Variants in CACNA2D3 observed in about 807,000 individuals in gnomAD.
CACNA2D3 encodes calcium voltage-gated channel auxiliary subunit alpha2delta 3.
In CACNA2D3, 60 loss-of-function variants were observed where a neutral mutation model predicts 160.6. The ratio of observed to expected loss-of-function variants is 0.37; its 90% CI spans 0.30 to 0.46. CACNA2D3 has a LOEUF of 0.46. Among genes scored for constraint, CACNA2D3 ranks in the 20% least tolerant of loss-of-function variants. The pLI is 1.00. For synonymous variants in CACNA2D3, 558 were observed against 492.9 expected (o/e 1.13, Z -1.75); for missense variants, 1,205 against 1,365.0 (o/e 0.88, Z 1.85).
At chr3:54,736,070 T>TACAC (rs1422809747) in intron 11 of CACNA2D3, among the ~76,000 whole-genome samples, 5 of 32,022 alleles carry the variant, frequency 1.6e-4, no homozygotes, top group South Asian at 9.7e-4. Context: ...TGTATATATA[T>TACAC]ATACATATAT....
chr3:54,489,184 C>G (rs1347486481), intron 4 of CACNA2D3, among the ~76,000 whole-genome samples: 1 of 152,020 alleles, frequency 6.6e-6, no homozygotes, highest in African/African-American at 2.4e-5. Context: ...GTCCTAAGAG[C>G]AGGAAAAAGT....
At chr3:54,141,673 G>A (rs931541605) in intron 2 of CACNA2D3, among the ~76,000 whole-genome samples, 14 of 152,120 alleles carry the variant, frequency 9.2e-5, no homozygotes, top group Non-Finnish European at 2.9e-5. Flanking sequence ...TTTAATCCAG[G>A]ATGTCAAAAT....
chr3:54,707,987 A>G (rs1242405410), intron 11 of CACNA2D3, among the ~76,000 whole-genome samples: 2 of 152,222 alleles, frequency 1.3e-5, no homozygotes, highest in African/African-American at 4.8e-5. Flanking sequence ...GTCCACCTGT[A>G]TCCACAGAGA....
In CACNA2D3 at chr3:54,232,761, A is replaced by G. The variant is rs191386534; in HGVS notation, c.205-87681A>G. On this transcript the variant is annotated intron_variant, in intron 2 of 37. Coordinates refer to ENST00000474759, the MANE Select transcript of CACNA2D3 (RefSeq NM_018398.3). The stretch of plus-strand genomic sequence containing the variant: ...TGAACATTTTGATTTATGGTGGCAC[A>G]GGAGGCTATAACAAAGTTACAGACT... 6.2e-3 allele frequency among the ~76,000 whole-genome samples: 943 copies of G among 152,334 alleles called. 3 individuals carry two copies. Among genetic ancestry groups the G allele is most frequent in the Middle Eastern group, 0.02 (6 of 294 alleles).
At chr3:54,370,063 A>C (rs1698897960) in intron 3 of CACNA2D3, among the ~76,000 whole-genome samples, 1 of 152,222 alleles carries the variant, frequency 6.6e-6, no homozygotes, top group Non-Finnish European at 1.5e-5. Flanking sequence ...CAATGGGAAA[A>C]TCATTTTTGG....
At chr3:54,372,381 C>A (rs1054461030) in intron 3 of CACNA2D3, among the ~76,000 whole-genome samples, 1 of 152,158 alleles carries the variant, frequency 6.6e-6, no homozygotes, top group African/African-American at 2.4e-5. Context: ...AGACTCCACT[C>A]TGGTCATGTC....
chr3:54,958,307 T>C (rs1181210783), intron 27 of CACNA2D3, among the ~76,000 whole-genome samples: 2 of 152,210 alleles, frequency 1.3e-5, no homozygotes, highest in Admixed American at 6.5e-5. Flanking sequence ...GCAGGAGGAC[T>C]GCCTGAGCCC....
chr3:54,140,626 C>T (rs948666352), intron 2 of CACNA2D3, among the ~76,000 whole-genome samples: 7 of 152,232 alleles, frequency 4.6e-5, no homozygotes, highest in Non-Finnish European at 8.8e-5. Context: ...TCAGACAGCC[C>T]TGGGTTCACA....
chr3:54,489,214 G>C (rs1701067698), intron 4 of CACNA2D3, among the ~76,000 whole-genome samples: 1 of 152,156 alleles, frequency 6.6e-6, no homozygotes, highest in African/African-American at 2.4e-5. Flanking sequence ...ATTGCATGCT[G>C]GGAGATGGCC....
intron 22 of CACNA2D3, 35 bp from the exon 23 acceptor site, chr3:54,885,454 A>G (rs1699900977): frequency 6.2e-7 from 1 of 1,601,242 alleles, no homozygotes. Flanking sequence ...GTAAATATTG[A>G]CATGCTCTTG....
intron 2 of CACNA2D3, among the ~76,000 whole-genome samples, chr3:54,240,183 G>GA (rs1179596304): frequency 6.6e-6 from 1 of 152,098 alleles, no homozygotes; most frequent in African/African-American, 2.4e-5. Context: ...CAGGAGAAAA[G>GA]AATTCATTGG....
At chr3:54,505,525 C>G (rs1701355404) in intron 5 of CACNA2D3, among the ~76,000 whole-genome samples, 1 of 152,170 alleles carries the variant, frequency 6.6e-6, no homozygotes, top group Non-Finnish European at 1.5e-5. Flanking sequence ...GAGGGCTGAG[C>G]TCAGCTTCAT....
chr3:54,502,572 T>C (rs111344436), intron 4 of CACNA2D3, among the ~76,000 whole-genome samples: 119 of 152,330 alleles, frequency 7.8e-4, no homozygotes, highest in African/African-American at 2.6e-3. Flanking sequence ...TGTAGTTATT[T>C]TAAGGTTCTG....
At chr3:54,716,940 C>G (rs1161692374) in intron 11 of CACNA2D3, among the ~76,000 whole-genome samples, 1 of 151,022 alleles carries the variant, frequency 6.6e-6, no homozygotes, top group Non-Finnish European at 1.5e-5. Flanking sequence ...TTCCCTCTAC[C>G]ATGTTAAATC....
At chr3:54,703,480 C>T (rs748014610) in intron 11 of CACNA2D3, among the ~76,000 whole-genome samples, 8 of 151,976 alleles carry the variant, frequency 5.3e-5, no homozygotes, top group Non-Finnish European at 1.0e-4. Flanking sequence ...GAATGGTGGC[C>T]ACCTTTTGTT....
At chr3:55,007,988 A>G (rs1703133228) in intron 33 of CACNA2D3, 146 bp downstream of exon 33, 1 of 581,188 alleles carries the variant, frequency 1.7e-6, no homozygotes, top group Non-Finnish European at 2.9e-6. Flanking sequence ...ATCTCAAAAT[A>G]TTGAACACAG....
chr3:54,783,923 T>C (rs1370342990), intron 13 of CACNA2D3, among the ~76,000 whole-genome samples: 1 of 152,250 alleles, frequency 6.6e-6, no homozygotes, highest in African/African-American at 2.4e-5. Flanking sequence ...AAAAGGATTT[T>C]GATGGTGTTA....
chr3:54,319,437 C>A (rs977520798), intron 2 of CACNA2D3, among the ~76,000 whole-genome samples: 2 of 152,138 alleles, frequency 1.3e-5, no homozygotes, highest in Non-Finnish European at 2.9e-5. Context: ...TAAACTGATT[C>A]AGAGTTTCCC....
At chr3:54,583,591 G>A (rs755099315) in intron 9 of CACNA2D3, among the ~76,000 whole-genome samples, 29 of 152,198 alleles carry the variant, frequency 1.9e-4, no homozygotes, top group Middle Eastern at 3.4e-3. Context: ...TTATACTTAC[G>A]GGTTGAGCAT....
Sources: allele counts gnomAD v4.1 joint callset (sites outside exome capture counted in the v4.1 genomes callset), GRCh38; gene constraint gnomAD v4.1.1; transcripts MANE v1.5; gene names NCBI Gene and HGNC (gene_info 2026-07-23, HGNC 2026-07-21).